The following MAPK15 variants were observed in gnomAD, a reference collection of about 807,000 sequenced individuals.
MAPK15 encodes the protein ERK-7.
MAPK15 carries 61 observed loss-of-function variants against 60.8 expected under a neutral mutation model. That is an observed-to-expected ratio of 1.00 (90% CI 0.82 to 1.24). MAPK15 has a LOEUF of 1.24. Ranked by LOEUF, MAPK15 falls within the 50% of genes most tolerant of loss-of-function variation. The pLI is 0.00. For missense variants in MAPK15, 808 were observed against 741.1 expected, an observed-to-expected ratio of 1.09 and a Z score of -1.05; for synonymous variants, 356 against 319.9, an observed-to-expected ratio of 1.11 and a Z score of -1.21.
intron 6 of MAPK15, 24 bp downstream of exon 6, chr8:143,719,180 C>A (rs782639802): frequency 6.6e-7 from 1 of 1,513,332 alleles, no homozygotes; most frequent in South Asian, 1.3e-5. Flanking sequence ...ATCCCCAACC[C>A]CCCCTCCACC....
rs1817998694 is a variant in MAPK15 at position 143,720,355 on chromosome 8, C to T, written c.779+68C>T. 2.0e-6 allele frequency: 3 copies of T among 1,481,484 alleles called. No individual in the cohort carries two copies. In the South Asian group the frequency reaches 4.1e-5, roughly 20 times the overall value. 91.8% of individuals were successfully genotyped at this position (1,481,484 alleles called of 1,614,324 possible). A position where few individuals can be genotyped will look rare whatever the true frequency, so the allele number is the denominator to read the frequency against. Reference sequence around the variant, plus strand: ...TCAAGGGAGCAGGGCCACCTTCCTGCAAGTTTACTGGGGCCAGTTTGTACC... The same window carrying T: ...TCAAGGGAGCAGGGCCACCTTCCTGTAAGTTTACTGGGGCCAGTTTGTACC... On this transcript the variant is annotated intron_variant, in intron 8 of 13. Coordinates refer to ENST00000338033, the MANE Select transcript of MAPK15 (RefSeq NM_139021.3). The surrounding 1 kb of genome is among the most constrained non-coding windows in gnomAD (Gnocchi z 4.6).
chr8:143,722,267 T>C lies in MAPK15; in HGVS notation c.*16T>C, dbSNP rs782347267. ...CCATGTGTGAGCCGCCCTACTCCCT[T>C]CACCTGGCCCTCTGTTCCTGCCCCA... On this transcript the variant is annotated 3_prime_UTR_variant, in exon 14 of 14. Transcript: ENST00000338033. The C allele has an allele frequency of 6.5e-7, 1 of 1,539,822 alleles. No homozygotes were observed. The highest frequency in any genetic ancestry group is 1.9e-5 in the Admixed American group (1 of 52,394).
chr8:143,718,526 CCA>C, intron 4 of MAPK15: 3 of 626,154 alleles, frequency 4.8e-6, no homozygotes, highest in South Asian at 3.9e-5. Flanking sequence ...CCTGCTCTGA[CCA>C]CAGTTTGCAG....
At chr8:143,719,609 G>A (rs931567224) in intron 7 of MAPK15, 127 bp downstream of exon 7, 5 of 1,298,556 alleles carry the variant, frequency 3.9e-6, no homozygotes, top group African/African-American at 1.5e-5. Context: ...GGATCCAGAG[G>A]ATGGGGCAGG....
chr8:143,718,371 C>T (rs1479614896), intron 4 of MAPK15, 69 bp downstream of exon 4: 6 of 1,406,892 alleles, frequency 4.3e-6, no homozygotes, highest in Non-Finnish European at 6.0e-6. Context: ...GCGGGTCCCT[C>T]TGCGTGTCCC....
chr8:143,719,011 G>A lies in MAPK15; in HGVS notation c.436G>A (p.Asp146Asn), dbSNP rs782303554. ...TCTGCAGCCGTCCAATGTGCTCCTGGATGCCAACTGCACAGTGAAGCTGTG... is the reference window on the plus strand; with the variant it reads ...TCTGCAGCCGTCCAATGTGCTCCTGAATGCCAACTGCACAGTGAAGCTGTG... ...RDQKPSNVLL[D>N]ANCTVKLCDF... The change falls in exon 6 of 14, where the codon GAT (aspartate) becomes AAT (asparagine). Residue 146 changes from aspartate (D) to asparagine (N), a missense_variant. Asp to Asn is a conservative substitution (Grantham distance 23). Coordinates refer to ENST00000338033, the MANE Select transcript of MAPK15 (RefSeq NM_139021.3). 12 of 1,607,218 alleles carry A rather than the reference G, an allele frequency of 7.5e-6. No individual in the cohort carries two copies. Among genetic ancestry groups the A allele is most frequent in the Non-Finnish European group, 1.0e-5 (12 of 1,177,464 alleles).
At chr8:143,719,303 C>A in intron 6 of MAPK15, 40 bp from the exon 7 acceptor site, 1 of 1,563,214 alleles carries the variant, frequency 6.4e-7, no homozygotes, top group African/African-American at 1.4e-5. Flanking sequence ...CCCACCTCTG[C>A]CTCTGGGTCT....
chr8:143,718,352 AC>A, intron 4 of MAPK15, 50 bp downstream of exon 4: 1 of 1,562,370 alleles, frequency 6.4e-7, no homozygotes, highest in South Asian at 1.1e-5. Flanking sequence ...TTCTGTCCTG[AC>A]GCCGTCTGCG....
rs139473793 is a variant in MAPK15 at position 143,718,766 on chromosome 8, T to C, written c.287-9T>C. 1.1e-4 allele frequency: 97 copies of C among 900,316 alleles called. 5 individuals are homozygous for C. In the African/African-American group the frequency reaches 2.1e-3, roughly 20 times the overall value. 55.8% of individuals were successfully genotyped at this position (900,316 alleles called of 1,614,324 possible). On this transcript the variant is annotated splice_polypyrimidine_tract_variant and intron_variant, in intron 4 of 13. Transcript: ENST00000338033. ...CCACCCCCGACTGCAGTGCGCACCC[T>C]CTCTGCAGACACTGACCTGAACGCA...
In MAPK15 at chr8:143,718,277, C is replaced by A. The variant is rs781819421; in HGVS notation, c.261C>A (p.Asp87Glu). 3.1e-6 allele frequency: 5 copies of A among 1,613,976 alleles called. No homozygotes were observed. Among genetic ancestry groups the A allele is most frequent in the Non-Finnish European group, 4.2e-6 (5 of 1,180,024 alleles). The part of the protein sequence containing the change: ...LDVIRAENDR[D>E]IYLVFEFMDT... ...TGATCCGGGCAGAGAACGACAGGGACATTTACCTGGTGTTTGAGTTTATGG... is the reference window on the plus strand; with the variant it reads ...TGATCCGGGCAGAGAACGACAGGGAAATTTACCTGGTGTTTGAGTTTATGG... The change falls in exon 4 of 14, where the codon GAC (aspartate) becomes GAA (glutamate). Residue 87 changes from aspartate to glutamate, a missense_variant. Coordinates refer to ENST00000338033, the MANE Select transcript of MAPK15 (RefSeq NM_139021.3).
At position 143,721,593 on chromosome 8, in the gene MAPK15, C is replaced by A. The variant is rs371534644; in HGVS notation, c.1249C>A (p.Pro417Thr). The stretch of plus-strand genomic sequence containing the variant: ...GAACGTTCCCAGGCAGAACTCCGCT[C>A]CCCTGCTCCAAACTGCTCTCCTAGG... Reference protein sequence around the residue: ...AKNVPRQNSAPLLQTALLGNG... With the variant: ...AKNVPRQNSATLLQTALLGNG... Residue 417 changes from proline (P) to threonine (T), a missense_variant, in exon 12 of 14, where the codon CCC becomes ACC. By Grantham distance (38) the Pro-to-Thr change is conservative. Transcript: ENST00000338033. The A allele has an allele frequency of 6.2e-7, 1 of 1,613,398 alleles. No homozygotes were observed. Among genetic ancestry groups the A allele is most frequent in the African/African-American group, 1.3e-5 (1 of 75,042 alleles).
chr8:143,717,153 G>A (rs1554618514), intron 1 of MAPK15, among the ~76,000 whole-genome samples: 2 of 152,186 alleles, frequency 1.3e-5, no homozygotes, highest in Non-Finnish European at 2.9e-5. Flanking sequence ...GCTGGGAGCT[G>A]TAGCAGCTGC....
chr8:143,718,310 A>T lies in MAPK15; in HGVS notation c.286+8A>T, dbSNP rs2131573812. 1 of 1,613,392 alleles carries T rather than the reference A, an allele frequency of 6.2e-7. No individual in the cohort carries two copies. The highest frequency in any genetic ancestry group is 1.6e-4 in the Middle Eastern group (1 of 6,062). On this transcript the variant is annotated splice_region_variant and intron_variant, in intron 4 of 13. Transcript: ENST00000338033. The stretch of plus-strand genomic sequence containing the variant: ...TGGTGTTTGAGTTTATGGGTGAGTG[A>T]GGCCCCGGCCAGCGCCCCAGCCCCA...
At position 143,720,734 on chromosome 8, in the gene MAPK15, C is replaced by T; in HGVS notation, c.811C>T (p.Pro271Ser). The T allele has an allele frequency of 6.2e-7, 1 of 1,613,278 alleles. No homozygotes were observed. Among genetic ancestry groups the T allele is most frequent in the Non-Finnish European group, 8.5e-7 (1 of 1,179,720 alleles). The change falls in exon 9 of 14, where the codon CCA becomes TCA. Residue 271 changes from proline to serine, a missense_variant. Coordinates refer to ENST00000338033, the MANE Select transcript of MAPK15 (RefSeq NM_139021.3). The surrounding 1 kb of genome is among the most constrained non-coding windows in gnomAD (Gnocchi z 4.6). ...ACAGACGCTGGATGCCCTCCTACCG[C>T]CAGACACCTCCCCAGAGGCCTTGGA... ...PRQTLDALLP[P>S]DTSPEALDLL... is the part of the protein sequence containing the mutation.
chr8:143,718,690 G>A (rs1477927387), intron 4 of MAPK15, 85 bp from the exon 5 acceptor site: 1 of 1,289,836 alleles, frequency 7.8e-7, no homozygotes, highest in Non-Finnish European at 1.1e-6. Context: ...AAGTGGGACA[G>A]ACCTGCCAGG....
rs545774830 is a variant in MAPK15 at position 143,721,533 on chromosome 8, C to T, written c.1205-16C>T. On this transcript the variant is annotated splice_polypyrimidine_tract_variant and intron_variant, in intron 11 of 13. Coordinates refer to ENST00000338033, the MANE Select transcript of MAPK15 (RefSeq NM_139021.3). ...GTTGACCCACTGACCCCGGGGTTGA[C>T]CCACTGACCCCACAGAGTCCCCCCG... 10 of 1,613,610 alleles carry T rather than the reference C, an allele frequency of 6.2e-6. No individual in the cohort carries two copies. The East Asian group carries it at 6.7e-5, about 11-fold the overall frequency.
chr8:143,718,518 T>G, intron 4 of MAPK15: 1 of 627,484 alleles, frequency 1.6e-6, no homozygotes, highest in Non-Finnish European at 2.8e-6. Context: ...CCCAGGCTCC[T>G]GCTCTGACCA....
At position 143,721,826 on chromosome 8, in the gene MAPK15, G is replaced by A. The variant is rs1473531058; in HGVS notation, c.1404G>A (p.Leu468=). Reference sequence around the variant, plus strand: ...CGGCTCAGGTGGCCAACCAGGCCCTGATCCGGGGTGACTGGAACCGGGGCG... The same window carrying A: ...CGGCTCAGGTGGCCAACCAGGCCCTAATCCGGGGTGACTGGAACCGGGGCG... ...QAAAQVANQA[L]IRGDWNRGGG... is the part of the protein sequence containing the mutation. The change falls in exon 13 of 14, where the codon CTG becomes CTA. Residue 468 remains leucine (L), a synonymous_variant. Coordinates refer to ENST00000338033, the MANE Select transcript of MAPK15 (RefSeq NM_139021.3). The A allele has an allele frequency of 1.9e-6, 3 of 1,611,092 alleles. No individual in the cohort carries two copies. The highest frequency in any genetic ancestry group is 2.2e-5 in the East Asian group (1 of 44,850).
intron 1 of MAPK15, among the ~76,000 whole-genome samples, chr8:143,716,878 G>T (rs1817832015): frequency 1.3e-5 from 2 of 152,194 alleles, no homozygotes; most frequent in African/African-American, 4.8e-5. Context: ...GCAGAGTGAA[G>T]GGCAGAGCCT....
Sources: allele counts gnomAD v4.1 joint callset (sites outside exome capture counted in the v4.1 genomes callset), GRCh38; gene constraint gnomAD v4.1.1; non-coding constraint Gnocchi (gnomAD v3.1); transcripts MANE v1.5; gene names NCBI Gene and HGNC (gene_info 2026-07-23, HGNC 2026-07-21).